The following NUMA1 variants were observed in gnomAD, a reference collection of about 807,000 sequenced individuals.
The protein encoded by NUMA1 is nuclear mitotic apparatus protein 1.
In NUMA1, 62 loss-of-function variants were observed where a neutral mutation model predicts 237.1. The ratio of observed to expected loss-of-function variants is 0.26; its 90% CI spans 0.21 to 0.32. NUMA1 has a LOEUF of 0.32. Among genes scored for constraint, NUMA1 ranks in the 10% least tolerant of loss-of-function variants. NUMA1 has a pLI of 1.00. For synonymous variants in NUMA1, 1,028 were observed against 1,066.1 expected, an observed-to-expected ratio of 0.96 and a Z score of 0.70; for missense variants, 2,533 against 2,666.5, an observed-to-expected ratio of 0.95 and a Z score of 1.10.
At chr11:72,035,533 G>C (rs981607174) in intron 3 of NUMA1, among the ~76,000 whole-genome samples, 1 of 151,308 alleles carries the variant, frequency 6.6e-6, no homozygotes. Context: ...TCAGCCTCCC[G>C]AGTGACTGGG....
chr11:72,018,926 C>T lies in NUMA1; in HGVS notation c.639G>A (p.Gln213=). The part of the protein sequence containing the change: ...SPMGDILQTP[Q]FQMRRLKKQL... ...GCTTCTTCAGCCGTCTCATCTGGAA[C>T]TGTGGGGTCTGCAGGATATCACCCA... Residue 213 remains glutamine (Q), a synonymous_variant, in exon 10 of 27, where the codon CAG becomes CAA. Coordinates refer to ENST00000393695, the MANE Select transcript of NUMA1 (RefSeq NM_006185.4). 6.2e-7 allele frequency: 1 copy of T among 1,614,110 alleles called. No homozygotes were observed. Among genetic ancestry groups the T allele is most frequent in the Non-Finnish European group, 8.5e-7 (1 of 1,180,018 alleles).
chr11:72,005,428 C>T, intron 22 of NUMA1, 59 bp from the exon 23 acceptor site: 1 of 1,556,978 alleles, frequency 6.4e-7, no homozygotes, highest in Middle Eastern at 1.7e-4. Context: ...CACCTCCTGG[C>T]CCTGGCATCT....
intron 2 of NUMA1, among the ~76,000 whole-genome samples, chr11:72,043,671 T>C (rs2135913973): frequency 6.6e-6 from 1 of 152,044 alleles, no homozygotes; most frequent in East Asian, 1.9e-4. Context: ...TGGCCCACAG[T>C]TGTCTTTGTC....
chr11:72,012,464 CAG>C (rs778143127), intron 15 of NUMA1, 22 bp from the exon 16 acceptor site: 1 of 1,610,386 alleles, frequency 6.2e-7, no homozygotes, highest in Non-Finnish European at 8.5e-7. Flanking sequence ...GGAGGAGCAA[CAG>C]AGACAGAGTG....
intron 2 of NUMA1, among the ~76,000 whole-genome samples, chr11:72,040,438 G>A (rs1447818324): frequency 8.1e-5 from 10 of 123,168 alleles, no homozygotes; most frequent in East Asian, 2.4e-4. Flanking sequence ...ACTGGGGCGC[G>A]TACACATACA....
At chr11:72,004,507 G>A (rs1377804702) in intron 24 of NUMA1, 133 bp downstream of exon 24, 5 of 1,236,768 alleles carry the variant, frequency 4.0e-6, no homozygotes, top group Middle Eastern at 2.0e-4. Flanking sequence ...CCCATCCATG[G>A]GTCAGGCCCT....
Position 72,003,903 on chromosome 11 carries a change from G to A in NUMA1, c.6320C>T (p.Pro2107Leu). The change falls in exon 26 of 27, where the codon CCT becomes CTT. Residue 2107 changes from proline to leucine, a missense_variant. Physicochemically the swap from Pro to Leu is moderately conservative, Grantham distance 98. Coordinates refer to ENST00000393695, the MANE Select transcript of NUMA1 (RefSeq NM_006185.4). ...TGCCTCTACCTTGCCCTTGGCTCGA[G>A]GGGTGGCACCAATGGCGGCAGCAGT... ...AATAAAIGAT[P>L]RAKGKAKH 1 of 1,613,698 alleles carries A rather than the reference G, an allele frequency of 6.2e-7. No individual in the cohort carries two copies. Among genetic ancestry groups the A allele is most frequent in the Non-Finnish European group, 8.5e-7 (1 of 1,179,896 alleles).
rs893893136 is a variant in NUMA1 at position 72,016,198 on chromosome 11, C to G, written c.1305G>C (p.Arg435Ser). ...LAANNTQLQARVEMLETERGQ... is the reference protein window; with the variant it reads ...LAANNTQLQASVEMLETERGQ... ...CTCGCTCAGTCTCCAGCATCTCTAC[C>G]CTGGCTTGGAGCTGTGTGTTGTTTG... Residue 435 changes from arginine (R) to serine (S), a missense_variant, in exon 15 of 27, where the codon AGG becomes AGC. By Grantham distance (110) the Arg-to-Ser change is moderately radical. This residue lies in a region of NUMA1 where 1,414 missense variants were observed against 1,508.1 expected (regional missense o/e 0.94). Coordinates refer to ENST00000393695, the MANE Select transcript of NUMA1 (RefSeq NM_006185.4). 2.5e-6 allele frequency: 4 copies of G among 1,611,120 alleles called. No individual in the cohort carries two copies. Among genetic ancestry groups the G allele is most frequent in the African/African-American group, 2.7e-5 (2 of 74,880 alleles).
At chr11:72,020,372 G>A (rs569202244) in intron 8 of NUMA1, 2 of 152,320 alleles carry the variant, frequency 1.3e-5, no homozygotes, top group East Asian at 3.9e-4. Flanking sequence ...TCAACGGCTA[G>A]AACTCGCCTA....
At chr11:72,057,932 G>A (rs1170801680) in intron 2 of NUMA1, among the ~76,000 whole-genome samples, 2 of 147,384 alleles carry the variant, frequency 1.4e-5, no homozygotes, top group African/African-American at 5.0e-5. Context: ...ATAGCTAGGC[G>A]TGGTAGCAGG....
Position 72,006,065 on chromosome 11 carries a change from G to C in NUMA1, c.5662C>G (p.Gln1888Glu), listed in dbSNP as rs1314856123. ...GGGGCCCCACTGGACACCCCGGCCTGGGAACGACGAGCAGAACTGCGAGTG... is the reference window on the plus strand; with the variant it reads ...GGGGCCCCACTGGACACCCCGGCCTCGGAACGACGAGCAGAACTGCGAGTG... ...PTTRSSARRS[Q>E]AGVSSGAPPG... is the part of the protein sequence containing the mutation. Residue 1888 changes from glutamine (Q) to glutamate (E), a missense_variant, in exon 22 of 27, where the codon CAG becomes GAG. Transcript: ENST00000393695. 10 of 1,613,520 alleles carry C rather than the reference G, an allele frequency of 6.2e-6. No homozygotes were observed. Among genetic ancestry groups the C allele is most frequent in the Non-Finnish European group, 8.5e-6 (10 of 1,179,568 alleles).
chr11:72,007,483 A>T, intron 20 of NUMA1, 48 bp from the exon 21 acceptor site: 1 of 1,602,298 alleles, frequency 6.2e-7, no homozygotes, highest in Non-Finnish European at 8.5e-7. Context: ...GCTAGAAGGC[A>T]TTTTGTCCAG....
At chr11:72,029,087 C>T (rs1939952730) in intron 4 of NUMA1, 118 bp downstream of exon 4, 3 of 697,764 alleles carry the variant, frequency 4.3e-6, no homozygotes, top group East Asian at 5.6e-5. Flanking sequence ...TTATGATGTC[C>T]CAATCCTTCC....
chr11:72,012,788 G>C, intron 15 of NUMA1, 107 bp downstream of exon 15: 1 of 1,464,964 alleles, frequency 6.8e-7, no homozygotes, highest in Non-Finnish European at 9.2e-7. Context: ...AATGAGGAAA[G>C]GCAAGACACT....
intron 16 of NUMA1, 148 bp downstream of exon 16, chr11:72,012,253 G>T: frequency 2.6e-6 from 2 of 757,934 alleles, no homozygotes; most frequent in South Asian, 3.4e-5. Context: ...CTCCTGGGCA[G>T]CCTGGGCCTG....
rs746525513 is a variant in NUMA1, at chr11:72,013,459, G to C, written c.4044C>G (p.Leu1348=). Residue 1348 remains leucine (L), a synonymous_variant, in exon 15 of 27, where the codon CTC becomes CTG. Transcript: ENST00000393695. The surrounding 1 kb of genome is among the most constrained non-coding windows in gnomAD (Gnocchi z 6.8). ...QKEQALSTLQ[L]EHTSTQALVS... ...CCAGGGCCTGTGTGCTGGTGTGCTC[G>C]AGCTGCAGGGTGGAGAGGGCCTGCT... The C allele has an allele frequency of 1.2e-6, 2 of 1,613,252 alleles. No individual in the cohort carries two copies. The highest frequency in any genetic ancestry group is 1.7e-6 in the Non-Finnish European group (2 of 1,180,028).
chr11:72,012,772 C>G, intron 15 of NUMA1, 123 bp downstream of exon 15: 2 of 1,368,906 alleles, frequency 1.5e-6, no homozygotes, highest in Non-Finnish European at 2.0e-6. Flanking sequence ...TTTCTGCCAC[C>G]CAGTGAATGA....
intron 1 of NUMA1, among the ~76,000 whole-genome samples, chr11:72,076,262 T>C (rs1377821841): frequency 6.6e-6 from 1 of 151,368 alleles, no homozygotes; most frequent in African/African-American, 2.4e-5. Context: ...TAGTCCCAGC[T>C]ACTTGGGAGG....
At position 72,058,395 on chromosome 11, in the gene NUMA1, A is replaced by T. The variant is rs533656701; in HGVS notation, c.-33+11447T>A. 9.9e-5 allele frequency among the ~76,000 whole-genome samples: 15 copies of T among 152,270 alleles called. No homozygotes were observed. In the East Asian group the frequency reaches 2.3e-3, roughly 23 times the overall value. On this transcript the variant is annotated intron_variant, in intron 2 of 26. Coordinates refer to ENST00000393695, the MANE Select transcript of NUMA1 (RefSeq NM_006185.4). ...ACTTATCTCATCTAACAATTTATCA[A>T]CATCTCCCCAAGCATCAATAACTAA...
Sources: gnomAD v4.1 joint callset for allele counts (sites outside exome capture counted in the v4.1 genomes callset) on GRCh38, gnomAD v4.1.1 for gene constraint, gnomAD v4.1.1 regional missense constraint, Gnocchi (gnomAD v3.1) non-coding constraint, MANE v1.5 for transcripts, NCBI Gene and HGNC (gene_info 2026-07-23, HGNC 2026-07-21) for gene names.